Variants in EXTL3 observed in about 807,000 individuals in gnomAD.
EXTL3 encodes the protein exostosin-like 3.
Under a neutral mutation model 69.3 loss-of-function variants are expected in EXTL3, and 27 were observed. The observed-to-expected ratio is 0.39, with a 90% CI of 0.29 to 0.54. The LOEUF is 0.54. EXTL3 is among the 20% of genes least tolerant of loss of function. EXTL3 has a pLI of 0.69. For synonymous variants in EXTL3, 511 were observed against 499.4 expected (o/e 1.02, Z -0.31); for missense variants, 1,003 against 1,231.8 (o/e 0.81, Z 2.78).
intron 1 of EXTL3, among the ~76,000 whole-genome samples, chr8:28,675,432 T>C (rs533693933): frequency 6.6e-6 from 1 of 152,316 alleles, no homozygotes; most frequent in Non-Finnish European, 1.5e-5. Flanking sequence ...GCTCCCTCTT[T>C]AAGATTCATA....
intron 1 of EXTL3, among the ~76,000 whole-genome samples, chr8:28,710,714 T>TA (rs1186229599): frequency 6.6e-6 from 1 of 151,416 alleles, no homozygotes; most frequent in East Asian, 1.9e-4. Flanking sequence ...CTGGCTAATT[T>TA]AAATTTTTTT....
upstream of EXTL3, among the ~76,000 whole-genome samples, chr8:28,622,476 T>C (rs1431411751): frequency 2.0e-5 from 3 of 150,992 alleles, no homozygotes; most frequent in African/African-American, 4.9e-5. Context: ...TGAACCCAGC[T>C]GCGGGGCCGC....
chr8:28,670,370 A>C (rs1463666395), intron 1 of EXTL3, among the ~76,000 whole-genome samples: 1 of 152,172 alleles, frequency 6.6e-6, no homozygotes. Context: ...GATCCAACAG[A>C]GTATGTGAGT....
At chr8:28,701,360 C>G (rs1800783131), upstream of EXTL3, 3 of 152,038 alleles carry the variant, frequency 2.0e-5, no homozygotes, top group Admixed American at 2.0e-4. Context: ...CGCCCCTGAC[C>G]CGGGTGTCAC....
At position 28,701,580 on chromosome 8, in the gene EXTL3, G is replaced by C. The variant is rs1800794563; in HGVS notation, c.-649G>C. On this transcript the variant is annotated 5_prime_UTR_variant, in exon 1 of 7. Transcript: ENST00000220562. ...GCGCGGCCTGGAAGGCGGGCGGCCGGCAGCCAGAACGGCTTCTGGGACGCC... is the reference window on the plus strand; with the variant it reads ...GCGCGGCCTGGAAGGCGGGCGGCCGCCAGCCAGAACGGCTTCTGGGACGCC... 1.3e-5 allele frequency: 2 copies of C among 157,218 alleles called. No homozygotes were observed. Among genetic ancestry groups the C allele is most frequent in the South Asian group, 3.5e-4 (2 of 5,780 alleles). The allele number at this position is 157,218 out of a possible 1,614,324, so 9.7% of individuals were successfully genotyped here.
At position 28,716,921 on chromosome 8, in the gene EXTL3, C is replaced by A; in HGVS notation, c.862C>A (p.Leu288Ile). Residue 288 changes from leucine (L) to isoleucine (I), a missense_variant, in exon 3 of 7, where the codon CTC (leucine) becomes ATC (isoleucine). Physicochemically the swap from Leu to Ile is conservative, Grantham distance 5 (BLOSUM62 2). Transcript: ENST00000220562. The surrounding 1 kb of genome is among the most constrained non-coding windows in gnomAD (Gnocchi z 7.1). ...ACGTAAGTCAGATACACAGAACCTT[C>A]TCTATAACGTCAGTACTGGCCGTGC... ...LSRKSDTQNL[L>I]YNVSTGRAMV... The A allele has an allele frequency of 6.2e-7, 1 of 1,614,204 alleles. No individual in the cohort carries two copies. Among genetic ancestry groups the A allele is most frequent in the African/African-American group, 1.3e-5 (1 of 75,052 alleles).
chr8:28,660,999 C>T (rs1219487226), intron 1 of EXTL3, among the ~76,000 whole-genome samples: 10 of 150,588 alleles, frequency 6.6e-5, no homozygotes, highest in Admixed American at 1.3e-4. Flanking sequence ...CTGCAAGCTC[C>T]GCCTCCCGGG....
At chr8:28,670,894 A>T (rs1168856378) in intron 1 of EXTL3, among the ~76,000 whole-genome samples, 1 of 152,114 alleles carries the variant, frequency 6.6e-6, no homozygotes, top group Admixed American at 6.5e-5. Context: ...TAGTCCCTTC[A>T]ACTGTCTGAA....
At chr8:28,626,408 A>T (rs75836034) in intron 1 of EXTL3, among the ~76,000 whole-genome samples, 31,244 of 152,042 alleles carry the variant, frequency 0.21, 3,940 homozygotes, top group Non-Finnish European at 0.28. Context: ...GGAGGGTAGG[A>T]GGCAGGAAGA....
chr8:28,673,000 A>G (rs1455925699), intron 1 of EXTL3, among the ~76,000 whole-genome samples: 1 of 152,222 alleles, frequency 6.6e-6, no homozygotes, highest in African/African-American at 2.4e-5. Context: ...GCCTGTGGCC[A>G]TGTAAGATGT....
At chr8:28,667,491 A>G (rs1012350782) in intron 1 of EXTL3, among the ~76,000 whole-genome samples, 1 of 152,140 alleles carries the variant, frequency 6.6e-6, no homozygotes, top group African/African-American at 2.4e-5. Context: ...TACCCTCCTC[A>G]CTGGACTTGA....
At position 28,717,814 on chromosome 8, in the gene EXTL3, C is replaced by T. The variant is rs912993523; in HGVS notation, c.1755C>T (p.Ala585=). The T allele has an allele frequency of 2.4e-5, 39 of 1,612,294 alleles. 2 individuals carry two copies. In the Admixed American group the frequency reaches 6.5e-4, roughly 27 times the overall value. ...LGPVETEPPY[A]SPRYLRNFTL... is the part of the protein sequence containing the mutation. ...CAGTGGAGACGGAGCCGCCCTACGC[C>T]TCACCCAGATACCTCCGCAATTTCA... Residue 585 remains alanine (A), a synonymous_variant, in exon 3 of 7, where the codon GCC becomes GCT. Transcript: ENST00000220562. The surrounding 1 kb of genome is among the most constrained non-coding windows in gnomAD (Gnocchi z 8.3).
At chr8:28,668,827 T>G (rs1807239375) in intron 1 of EXTL3, among the ~76,000 whole-genome samples, 1 of 149,846 alleles carries the variant, frequency 6.7e-6, no homozygotes, top group African/African-American at 2.5e-5. Context: ...TATGCACCAG[T>G]AACCAATAGC....
intron 1 of EXTL3, among the ~76,000 whole-genome samples, chr8:28,640,563 C>T (rs1806726753): frequency 6.6e-6 from 1 of 152,192 alleles, no homozygotes; most frequent in Non-Finnish European, 1.5e-5. Flanking sequence ...CAGGGCTTCA[C>T]CATGGTATTA....
intron 1 of EXTL3, among the ~76,000 whole-genome samples, chr8:28,674,094 T>G (rs906801948): frequency 2.6e-5 from 4 of 152,128 alleles, no homozygotes; most frequent in Non-Finnish European, 5.9e-5. Flanking sequence ...TTTGTTTGTT[T>G]TCTGAGGTAG....
At chr8:28,749,936 T>G (rs144431238) in intron 6 of EXTL3, among the ~76,000 whole-genome samples, 164 of 152,334 alleles carry the variant, frequency 1.1e-3, no homozygotes, top group African/African-American at 3.9e-3. Flanking sequence ...TCAAGCGATC[T>G]TCCTGCCTTG....
intron 1 of EXTL3, among the ~76,000 whole-genome samples, chr8:28,683,596 CA>C (rs1426980545): frequency 1.3e-5 from 2 of 152,122 alleles, no homozygotes; most frequent in African/African-American, 4.8e-5. Flanking sequence ...AGGTGGATCA[CA>C]AGGTCAGGAG....
chr8:28,633,212 C>A (rs963521222), intron 1 of EXTL3, among the ~76,000 whole-genome samples: 17 of 152,106 alleles, frequency 1.1e-4, no homozygotes, highest in South Asian at 4.2e-4. Flanking sequence ...TTGGCGCACG[C>A]CTGTATTCAC....
At chr8:28,719,519 C>G (rs2130745773) in intron 3 of EXTL3, among the ~76,000 whole-genome samples, 1 of 152,210 alleles carries the variant, frequency 6.6e-6, no homozygotes, top group Non-Finnish European at 1.5e-5. Flanking sequence ...TGCCTCTTTG[C>G]TTTAAATTTT....
Sources: allele counts gnomAD v4.1 joint callset (sites outside exome capture counted in the v4.1 genomes callset), GRCh38; gene constraint gnomAD v4.1.1; non-coding constraint Gnocchi (gnomAD v3.1); transcripts MANE v1.5; gene names NCBI Gene and HGNC (gene_info 2026-07-23, HGNC 2026-07-21).